LINGO2: variants seen among roughly 807,000 people sequenced by gnomAD.
LINGO2 encodes the protein leucine-rich repeat and immunoglobulin-like domain-containing nogo receptor-interacting protein 2.
Under a neutral mutation model 30.6 loss-of-function variants are expected in LINGO2, and 14 were observed. The observed-to-expected ratio is 0.46, with a 90% CI of 0.30 to 0.72. LINGO2 has a LOEUF of 0.72. LINGO2 is among the 30% of genes least tolerant of loss of function. LINGO2 has a pLI of 0.07. For missense variants in LINGO2, 729 were observed against 751.7 expected (o/e 0.97, Z 0.35); for synonymous variants, 317 against 288.5 (o/e 1.10, Z -1.00).
At chr9:28,874,592 T>C in the LINGO2 span, among the ~76,000 whole-genome samples, 4 of 152,034 alleles carry the variant, frequency 2.6e-5, no homozygotes, top group South Asian at 2.1e-4. Flanking sequence ...TGAGATTAAG[T>C]ACATTAGGCA....
At chr9:28,641,436 G>A (rs1278775720) in intron 1 of LINGO2, among the ~76,000 whole-genome samples, 3 of 152,148 alleles carry the variant, frequency 2.0e-5, no homozygotes, top group African/African-American at 7.2e-5. Context: ...ACCTACTACA[G>A]AAAACTGGCC....
chr9:28,472,222 A>G (rs145292244), intron 2 of LINGO2, among the ~76,000 whole-genome samples: 12 of 152,112 alleles, frequency 7.9e-5, no homozygotes, highest in African/African-American at 2.9e-4. Context: ...ATATTGCTTA[A>G]CCTATGATAC....
At chr9:28,241,168 C>T (rs1359736471) in intron 4 of LINGO2, among the ~76,000 whole-genome samples, 4 of 143,380 alleles carry the variant, frequency 2.8e-5, no homozygotes, top group African/African-American at 1.0e-4. Context: ...ACTTGGGAGG[C>T]TGAGGCAGGA....
chr9:29,141,972 C>A, the LINGO2 span, among the ~76,000 whole-genome samples: 1 of 151,734 alleles, frequency 6.6e-6, no homozygotes, highest in African/African-American at 2.4e-5. Flanking sequence ...ATTTTAGTAA[C>A]TAACTTTCAA....
chr9:28,908,592 G>A, the LINGO2 span, among the ~76,000 whole-genome samples: 1 of 151,822 alleles, frequency 6.6e-6, no homozygotes, highest in Admixed American at 6.6e-5. Flanking sequence ...AAATTCCAAT[G>A]ATTCCAAGTT....
At chr9:28,317,580 T>C (rs144138948) in intron 3 of LINGO2, among the ~76,000 whole-genome samples, 36 of 152,278 alleles carry the variant, frequency 2.4e-4, no homozygotes, top group African/African-American at 7.2e-4. Flanking sequence ...TGGATTATAA[T>C]TGAAACTTGA....
chr9:28,199,443 A>T (rs1024812664), intron 4 of LINGO2, among the ~76,000 whole-genome samples: 10 of 150,570 alleles, frequency 6.6e-5, no homozygotes, highest in African/African-American at 1.7e-4. Flanking sequence ...GGTTCACGCC[A>T]TTCTCCTGCC....
the LINGO2 span, among the ~76,000 whole-genome samples, chr9:29,159,324 G>A: frequency 6.6e-6 from 1 of 152,102 alleles, no homozygotes; most frequent in Admixed American, 6.5e-5. Context: ...TTCCAAAGTA[G>A]GTATTCTAGG....
intron 2 of LINGO2, among the ~76,000 whole-genome samples, chr9:28,381,989 C>G (rs1425421833): frequency 2.0e-5 from 3 of 151,922 alleles, no homozygotes; most frequent in Non-Finnish European, 2.9e-5. Context: ...TGTAAAGAGC[C>G]AAGTCTTTGG....
chr9:28,765,048 A>C, the LINGO2 span, among the ~76,000 whole-genome samples: 1 of 152,030 alleles, frequency 6.6e-6, no homozygotes, highest in East Asian at 1.9e-4. Flanking sequence ...GAAAATTAAT[A>C]TTGTTAAAAT....
At chr9:28,438,512 A>T (rs1824047773) in intron 2 of LINGO2, among the ~76,000 whole-genome samples, 1 of 152,128 alleles carries the variant, frequency 6.6e-6, no homozygotes, top group Non-Finnish European at 1.5e-5. Context: ...CTCAGACTGA[A>T]TTATACCACC....
the LINGO2 span, among the ~76,000 whole-genome samples, chr9:28,963,628 C>G: frequency 6.6e-6 from 1 of 150,430 alleles, no homozygotes; most frequent in African/African-American, 2.5e-5. Context: ...TCATTTGCAG[C>G]AACATGGATG....
intron 1 of LINGO2, among the ~76,000 whole-genome samples, chr9:28,620,665 T>G (rs575644071): frequency 6.6e-6 from 1 of 152,110 alleles, no homozygotes; most frequent in South Asian, 2.1e-4. Flanking sequence ...TAGGCAATTC[T>G]TAGTTAAAAA....
chr9:28,574,355 A>C (rs561668743), intron 1 of LINGO2, among the ~76,000 whole-genome samples: 1 of 152,316 alleles, frequency 6.6e-6, no homozygotes, highest in African/African-American at 2.4e-5. Flanking sequence ...ACCCACCCAA[A>C]GTGTTAGAAA....
At position 28,328,790 on chromosome 9, in the gene LINGO2, A is replaced by C. The variant is rs1018096801; in HGVS notation, c.-245-33424T>G. The stretch of plus-strand genomic sequence containing the variant: ...AGTTATAGGATTCTTCCAGTTAACT[A>C]TTTTAGTAAGCCAAGAATATCATCT... On this transcript the variant is annotated intron_variant, in intron 3 of 5. Coordinates refer to ENST00000379992, the Ensembl canonical transcript of LINGO2. Among the ~76,000 whole-genome samples the C allele has an allele frequency of 2.6e-5, 4 of 152,148 alleles. No individual in the cohort carries two copies. In the East Asian group the frequency reaches 7.7e-4, roughly 29 times the overall value.
At chr9:28,986,990 C>T in the LINGO2 span, among the ~76,000 whole-genome samples, 1 of 149,486 alleles carries the variant, frequency 6.7e-6, no homozygotes, top group Non-Finnish European at 1.5e-5. Flanking sequence ...AGATAGTTCA[C>T]TGTTAGTATA....
At chr9:28,558,805 A>G (rs1230594740) in intron 1 of LINGO2, among the ~76,000 whole-genome samples, 3 of 152,074 alleles carry the variant, frequency 2.0e-5, no homozygotes, top group East Asian at 1.9e-4. Context: ...TGATCTTTCA[A>G]TTTTGCTTTT....
At chr9:28,681,547 T>C in the LINGO2 span, among the ~76,000 whole-genome samples, 1 of 151,614 alleles carries the variant, frequency 6.6e-6, no homozygotes, top group Admixed American at 6.6e-5. Context: ...AAAGAAGTAG[T>C]AAGGAAAAAG....
At chr9:28,945,639 T>C in the LINGO2 span, among the ~76,000 whole-genome samples, 5 of 152,138 alleles carry the variant, frequency 3.3e-5, no homozygotes, top group African/African-American at 1.2e-4. Context: ...ATGTAAATTC[T>C]TAGGACTCAA....
Sources: gnomAD v4.1 joint callset for allele counts (sites outside exome capture counted in the v4.1 genomes callset) on GRCh38, gnomAD v4.1.1 for gene constraint, MANE v1.5 for transcripts, NCBI Gene and HGNC (gene_info 2026-07-23, HGNC 2026-07-21) for gene names.